WDSUB1: variants seen among roughly 807,000 people sequenced by gnomAD.
WDSUB1 encodes the protein WD repeat, sterile alpha motif and U-box domain containing 1.
WDSUB1 carries 49 observed loss-of-function variants against 53.9 expected under a neutral mutation model. The observed-to-expected ratio is 0.91, with a 90% CI of 0.72 to 1.15. The LOEUF is 1.15. Ranked by LOEUF, WDSUB1 falls within the 50% of genes most tolerant of loss-of-function variation. The pLI is 0.00. For synonymous variants in WDSUB1, 194 were observed against 200.6 expected (o/e 0.97, Z 0.28); for missense variants, 514 against 562.0 (o/e 0.91, Z 0.86).
chr2:159,242,592 T>C (rs1575427462), intron 10 of WDSUB1, among the ~76,000 whole-genome samples: 1 of 147,370 alleles, frequency 6.8e-6, no homozygotes, highest in Middle Eastern at 3.4e-3. Flanking sequence ...GAGGCAGAGG[T>C]TGCAGTGAGC....
rs2061695496 is a variant in WDSUB1, at chr2:159,282,801, G to A, written c.269C>T (p.Ala90Val). 1.2e-6 allele frequency: 2 copies of A among 1,614,046 alleles called. No individual in the cohort carries two copies. Among genetic ancestry groups the A allele is most frequent in the Non-Finnish European group, 8.5e-7 (1 of 1,180,048 alleles). The change falls in exon 2 of 11, where the codon GCA (alanine) becomes GTA (valine). Residue 90 changes from alanine (A) to valine (V), a missense_variant. Ala to Val is a moderately conservative substitution (Grantham distance 64, BLOSUM62 0). Coordinates refer to ENST00000359774, the MANE Select transcript of WDSUB1 (RefSeq NM_001128212.3). The part of the protein sequence containing the change: ...LWNTENGQML[A>V]VMEQPSGSPV... ...GCTGCCACTAGGCTGTTCCATCACT[G>A]CCAGCATCTGTCCATTTTCAGTATT...
intron 10 of WDSUB1, among the ~76,000 whole-genome samples, chr2:159,245,201 GTCATGTGA>G (rs1029650944): frequency 5.3e-5 from 8 of 152,078 alleles, no homozygotes; most frequent in African/African-American, 1.9e-4. Context: ...AAAGAACTAA[GTCATGTGA>G]TTTTCACTAT....
chr2:159,256,936 C>T (rs1306117718), intron 8 of WDSUB1, among the ~76,000 whole-genome samples: 1 of 152,100 alleles, frequency 6.6e-6, no homozygotes, highest in Non-Finnish European at 1.5e-5. Flanking sequence ...CATGAATGTG[C>T]ACTGAAAGCA....
intron 5 of WDSUB1, among the ~76,000 whole-genome samples, chr2:159,262,390 C>T (rs540406964): frequency 6.6e-6 from 1 of 152,028 alleles, no homozygotes; most frequent in African/African-American, 2.4e-5. Context: ...GGAATCTGGA[C>T]GATTTCACAG....
At chr2:159,247,887 A>AT (rs2060837702) in intron 10 of WDSUB1, among the ~76,000 whole-genome samples, 1 of 14,272 alleles carries the variant, frequency 7.0e-5, no homozygotes, top group Non-Finnish European at 1.4e-4. Context: ...AATTAAATAA[A>AT]TATATATATA....
chr2:159,248,421 A>AT lies in WDSUB1; in HGVS notation c.1223_1224insA (p.Phe408LeufsTer7). On this transcript the variant is annotated frameshift_variant, in exon 10 of 11. Transcript: ENST00000359774. LOFTEE classifies it high-confidence loss of function. ...TAAGTTCTCTAGTTATTGGACATAT[A>AT]AATTCATCAGGAATTCCTGAAGAAA... The AT allele has an allele frequency of 6.2e-7, 1 of 1,610,734 alleles. No homozygotes were observed.
chr2:159,277,991 C>G (rs2061577971), intron 3 of WDSUB1, among the ~76,000 whole-genome samples: 1 of 152,078 alleles, frequency 6.6e-6, no homozygotes, highest in African/African-American at 2.4e-5. Context: ...TTTCCTGACC[C>G]CATAAGCTCC....
intron 2 of WDSUB1, among the ~76,000 whole-genome samples, chr2:159,280,690 C>CAAAAAAAAAAAAAAAAAAAAAAAA (rs58584838): frequency 1.0e-4 from 6 of 59,570 alleles, no homozygotes; most frequent in African/African-American, 5.1e-4. Flanking sequence ...GACTCCGTCT[C>CAAAAAAAAAAAAAAAAAAAAAAAA]AAAAAAAAAA....
intron 9 of WDSUB1, among the ~76,000 whole-genome samples, chr2:159,251,846 CGG>C (rs1251701843): frequency 6.6e-6 from 1 of 152,118 alleles, no homozygotes; most frequent in Non-Finnish European, 1.5e-5. Flanking sequence ...CAGAAGGTAA[CGG>C]GGTTCCGGAG....
At chr2:159,268,325 T>TG (rs1235416184) in intron 5 of WDSUB1, among the ~76,000 whole-genome samples, 1 of 141,524 alleles carries the variant, frequency 7.1e-6, no homozygotes, top group East Asian at 1.9e-4. Context: ...TCAGCTAACC[T>TG]GTCCCCTAAC....
chr2:159,246,943 C>T (rs539087172), intron 10 of WDSUB1, among the ~76,000 whole-genome samples: 3 of 152,088 alleles, frequency 2.0e-5, no homozygotes, highest in African/African-American at 4.8e-5. Flanking sequence ...AAATTTGAGA[C>T]CTGTCTATGG....
In WDSUB1 at chr2:159,274,840, ACTC is replaced by A. The variant is rs368108344; in HGVS notation, c.676+703_676+705del. 4.0e-3 allele frequency among the ~76,000 whole-genome samples: 606 copies of A among 152,208 alleles called. 8 individuals carry two copies. The highest frequency in any genetic ancestry group is 0.014 in the African/African-American group (577 of 41,528). On this transcript the variant is annotated intron_variant, in intron 4 of 10. Transcript: ENST00000359774. ...AAACAGAAGGGAACTTAAAGCAAAA[ACTC>A]CTAAATGACATCCTGAGAGTTTTGA...
chr2:159,260,162 G>T (rs1160460349), intron 5 of WDSUB1, among the ~76,000 whole-genome samples: 2 of 151,950 alleles, frequency 1.3e-5, no homozygotes, highest in Non-Finnish European at 2.9e-5. Context: ...AAAATTATCC[G>T]GGCATGGTGG....
chr2:159,265,848 T>A (rs1018075547), intron 5 of WDSUB1, among the ~76,000 whole-genome samples: 1 of 152,080 alleles, frequency 6.6e-6, no homozygotes, highest in Non-Finnish European at 1.5e-5. Flanking sequence ...GGGACAGAAG[T>A]GGAGAAAGAC....
At chr2:159,282,562 T>G in intron 2 of WDSUB1, 110 bp downstream of exon 2, 1 of 1,335,192 alleles carries the variant, frequency 7.5e-7, no homozygotes, top group Middle Eastern at 2.5e-4. Context: ...TATTTTTCTT[T>G]TTTTCTACAT....
intron 5 of WDSUB1, 124 bp downstream of exon 5, chr2:159,271,578 A>G (rs977957072): frequency 3.8e-6 from 3 of 799,426 alleles, no homozygotes; most frequent in Non-Finnish European, 6.1e-6. Flanking sequence ...AGAACCAGCA[A>G]TGTTCTATTT....
At chr2:159,244,021 TA>T (rs150525364) in intron 10 of WDSUB1, among the ~76,000 whole-genome samples, 6,115 of 152,168 alleles carry the variant, frequency 0.04, 393 homozygotes, top group African/African-American at 0.14. Flanking sequence ...TCTATCCTAT[TA>T]TAGTCTAAAG....
chr2:159,256,219 C>CT lies in WDSUB1; in HGVS notation c.1108dup (p.Ser370LysfsTer4). ...ACCAATTTTCAAATCATCAGCCAGA[C>CT]TTTCTTTTGTAAGATTCAACAGTTC... On this transcript the variant is annotated frameshift_variant, in exon 9 of 11. Coordinates refer to ENST00000359774, the MANE Select transcript of WDSUB1 (RefSeq NM_001128212.3). LOFTEE classifies it high-confidence loss of function. 2.5e-6 allele frequency: 4 copies of CT among 1,600,512 alleles called. No individual in the cohort carries two copies. The highest frequency in any genetic ancestry group is 1.7e-6 in the Non-Finnish European group (2 of 1,175,658).
rs758437110 is a variant in WDSUB1 at position 159,248,386 on chromosome 2, G to C, written c.1259C>G (p.Pro420Arg). Residue 420 changes from proline (P) to arginine (R), a missense_variant, in exon 10 of 11, where the codon CCG becomes CGG. Physicochemically the swap from Pro to Arg is moderately radical, Grantham distance 103. Coordinates refer to ENST00000359774, the MANE Select transcript of WDSUB1 (RefSeq NM_001128212.3). ...CPITRELMKD[P>R]VIASDGYSYE... The stretch of plus-strand genomic sequence containing the variant: ...ATCACACATACCTGATGCGATGACC[G>C]GATCTTTCATAAGTTCTCTAGTTAT... 3.1e-6 allele frequency: 5 copies of C among 1,611,184 alleles called. No individual in the cohort carries two copies. The South Asian group carries it at 5.5e-5, about 18-fold the overall frequency.
Sources: allele counts gnomAD v4.1 joint callset (sites outside exome capture counted in the v4.1 genomes callset), GRCh38; gene constraint gnomAD v4.1.1; transcripts MANE v1.5; gene names NCBI Gene and HGNC (gene_info 2026-07-23, HGNC 2026-07-21).